Variants in UBE2W observed in about 807,000 individuals in gnomAD.
UBE2W encodes the protein ubiquitin-conjugating enzyme E2 W.
UBE2W carries 18 observed loss-of-function variants against 27.2 expected under a neutral mutation model. That is an observed-to-expected ratio of 0.66 (90% confidence interval 0.46 to 0.98). The LOEUF is 0.98. UBE2W is among the 50% of genes least tolerant of loss of function. The pLI is 0.00. For missense variants in UBE2W, 90 were observed against 180.2 expected, an observed-to-expected ratio of 0.50 and a Z score of 2.87; for synonymous variants, 53 against 57.2, an observed-to-expected ratio of 0.93 and a Z score of 0.33.
At chr8:73,816,474 T>C (rs749044365) in intron 3 of UBE2W, among the ~76,000 whole-genome samples, 2 of 152,122 alleles carry the variant, frequency 1.3e-5, no homozygotes, top group Non-Finnish European at 2.9e-5. Context: ...TCTGGATCTC[T>C]GCAAAGAATG....
In UBE2W at chr8:73,791,331, G is replaced by T; in HGVS notation, c.*2771C>A. ...AGCATGCATAAATAAGGAAGCAAAT[G>T]TATCACTGTCTTAATAGAATTTGGC... On this transcript the variant is annotated 3_prime_UTR_variant, in exon 6 of 6. Transcript: ENST00000602593. The T allele has an allele frequency of 2.0e-6, 2 of 981,672 alleles. No homozygotes were observed. Among genetic ancestry groups the T allele is most frequent in the Non-Finnish European group, 2.4e-6 (2 of 829,246 alleles). The allele number at this position is 981,672 out of a possible 1,614,324, so 60.8% of individuals were successfully genotyped here. A position where few individuals can be genotyped will look rare whatever the true frequency, so the allele number is the denominator to read the frequency against.
chr8:73,842,841 ACT>A (rs1458289537), intron 1 of UBE2W, among the ~76,000 whole-genome samples: 4 of 152,180 alleles, frequency 2.6e-5, no homozygotes, highest in Non-Finnish European at 5.9e-5. Flanking sequence ...TTAAAAAATA[ACT>A]CAATGGATGA....
Position 73,792,888 on chromosome 8 carries a change from G to C in UBE2W, c.*1214C>G, listed in dbSNP as rs1187727638. 2.0e-6 allele frequency: 2 copies of C among 985,466 alleles called. No individual in the cohort carries two copies. The highest frequency in any genetic ancestry group is 2.3e-4 in the East Asian group (2 of 8,826). 61.0% of individuals were successfully genotyped at this position (985,466 alleles called of 1,614,324 possible). ...CAGGAAAAACTATATGGCTGTGTGA[G>C]ACAAATAAGCAACCATTTGATAGTG... is the stretch of plus-strand genomic sequence containing the variant. On this transcript the variant is annotated 3_prime_UTR_variant, in exon 6 of 6. Transcript: ENST00000602593.
intron 1 of UBE2W, among the ~76,000 whole-genome samples, chr8:73,861,971 C>T (rs1000069166): frequency 1.3e-5 from 2 of 152,188 alleles, no homozygotes; most frequent in African/African-American, 4.8e-5. Flanking sequence ...TTTCCAATCT[C>T]GAATTTGATT....
intron 3 of UBE2W, among the ~76,000 whole-genome samples, chr8:73,824,469 T>C (rs1809747653): frequency 6.6e-6 from 1 of 152,238 alleles, no homozygotes; most frequent in African/African-American, 2.4e-5. Context: ...AACTTTTCTC[T>C]TCACCATGTG....
At chr8:73,867,139 G>A (rs1319699360) in intron 1 of UBE2W, among the ~76,000 whole-genome samples, 3 of 152,128 alleles carry the variant, frequency 2.0e-5, no homozygotes, top group Non-Finnish European at 4.4e-5. Flanking sequence ...GGTGGCTCAC[G>A]CCTGTGATCT....
Position 73,805,454 on chromosome 8 carries a change from C to CAAAAAAAAAAAAAAAAAAAAAAAAAA in UBE2W, c.442+196_442+197insTTTTTTTTTTTTTTTTTTTTTTTTTT, listed in dbSNP as rs1162712227. Among the ~76,000 whole-genome samples the CAAAAAAAAAAAAAAAAAAAAAAAAAA allele has an allele frequency of 1.9e-3, 28 of 14,574 alleles. 4 individuals carry two copies. The highest frequency in any genetic ancestry group is 7.0e-3 in the East Asian group (2 of 286). 9.6% of individuals were successfully genotyped at this position (14,574 alleles called of 152,430 possible). ...GGGCAACAAGAGCAAAACTCCATCT[C>CAAAAAAAAAAAAAAAAAAAAAAAAAA]AAAAAAAAAAAAAAAAACAAAAAAA... On this transcript the variant is annotated intron_variant, in intron 5 of 5. Transcript: ENST00000602593.
intron 1 of UBE2W, among the ~76,000 whole-genome samples, chr8:73,878,459 C>T (rs1469959593): frequency 2.0e-5 from 3 of 152,216 alleles, no homozygotes; most frequent in Non-Finnish European, 4.4e-5. Context: ...GGGGTAAAGG[C>T]AACCCTGGGG....
intron 5 of UBE2W, among the ~76,000 whole-genome samples, chr8:73,801,602 T>C (rs574547062): frequency 6.9e-4 from 105 of 152,372 alleles, no homozygotes; most frequent in African/African-American, 2.3e-3. Flanking sequence ...ATATTCCTAA[T>C]TGGCTAATCT....
chr8:73,859,264 G>C (rs1289009476), intron 1 of UBE2W, among the ~76,000 whole-genome samples: 1 of 152,156 alleles, frequency 6.6e-6, no homozygotes, highest in Non-Finnish European at 1.5e-5. Flanking sequence ...CCAGCACTTT[G>C]GGAGGCTGAG....
intron 1 of UBE2W, chr8:73,870,375 G>T: frequency 7.2e-7 from 1 of 1,383,248 alleles, no homozygotes; most frequent in Non-Finnish European, 9.8e-7. Flanking sequence ...GATAGCTAGT[G>T]CAGGGACTAG....
chr8:73,870,309 T>C (rs1326670339), intron 1 of UBE2W: 2 of 1,574,168 alleles, frequency 1.3e-6, no homozygotes, highest in Non-Finnish European at 1.7e-6. Context: ...GGTCTGAAAA[T>C]ACAAAGAAAG....
intron 3 of UBE2W, among the ~76,000 whole-genome samples, chr8:73,816,742 C>G (rs1431887036): frequency 6.6e-6 from 1 of 152,130 alleles, no homozygotes; most frequent in African/African-American, 2.4e-5. Flanking sequence ...CTAAAAGTCT[C>G]TAAAACAAGG....
chr8:73,853,021 T>C lies in UBE2W; in HGVS notation c.16-22549A>G, dbSNP rs541516043. Among the ~76,000 whole-genome samples, 165 of 152,290 alleles carry C rather than the reference T, an allele frequency of 1.1e-3. 2 individuals are homozygous for C. The highest frequency in any genetic ancestry group is 6.8e-3 in the Middle Eastern group (2 of 294). ...AATCTAATTCCCAAAGTATTGGAAT[T>C]AAGAGGTGGAGCCTTTGCGAGGTAA... On this transcript the variant is annotated intron_variant, in intron 1 of 5. Transcript: ENST00000602593.
chr8:73,836,912 G>C lies in UBE2W; in HGVS notation c.16-6440C>G, dbSNP rs899211900. Among the ~76,000 whole-genome samples the C allele has an allele frequency of 3.3e-5, 5 of 152,310 alleles. No homozygotes were observed. In the East Asian group the frequency reaches 9.6e-4, roughly 29 times the overall value. ...AAATAACTGCAGAATGTTAAGTACT[G>C]TAAGTAAAGCAGCAGAAACACCCAG... On this transcript the variant is annotated intron_variant, in intron 1 of 5. Transcript: ENST00000602593.
At position 73,834,873 on chromosome 8, in the gene UBE2W, C is replaced by T. The variant is rs1196000612; in HGVS notation, c.16-4401G>A. Among the ~76,000 whole-genome samples, 10 of 152,248 alleles carry T rather than the reference C, an allele frequency of 6.6e-5. No individual in the cohort carries two copies. The East Asian group carries it at 1.9e-3, about 29-fold the overall frequency. On this transcript the variant is annotated intron_variant, in intron 1 of 5. Transcript: ENST00000602593. The stretch of plus-strand genomic sequence containing the variant: ...GCAGTGAGCCTAGATCACGCGAATG[C>T]ACTGCAGCCTGGGCTATAGAGTGAG...
chr8:73,804,331 T>C (rs1369996047), intron 5 of UBE2W, among the ~76,000 whole-genome samples: 4 of 151,526 alleles, frequency 2.6e-5, no homozygotes, highest in Non-Finnish European at 4.4e-5. Context: ...AATACTCTTA[T>C]GTATACAAAA....
chr8:73,788,979 A>T lies in UBE2W; in HGVS notation c.*5123T>A, dbSNP rs1808078349. On this transcript the variant is annotated 3_prime_UTR_variant, in exon 6 of 6. Coordinates refer to ENST00000602593, the MANE Select transcript of UBE2W (RefSeq NM_018299.6). ...ATTAACAAAAAATTTTTCATAAAAA[A>T]ATAGTCATTTAATCATTCTAGAGAC... 1.0e-6 allele frequency: 1 copy of T among 983,084 alleles called. No individual in the cohort carries two copies. Among genetic ancestry groups the T allele is most frequent in the Admixed American group, 6.2e-5 (1 of 16,256 alleles). 60.9% of individuals were successfully genotyped at this position (983,084 alleles called of 1,614,324 possible). A position where few individuals can be genotyped will look rare whatever the true frequency, so the allele number is the denominator to read the frequency against.
Position 73,790,692 on chromosome 8 carries a change from T to A in UBE2W, c.*3410A>T, listed in dbSNP as rs1808153736. ...TTCTCTTCTATTTTTAGGAAGAAGT[T>A]ATAACAAGTTTTAAATATCTCAATT... On this transcript the variant is annotated 3_prime_UTR_variant, in exon 6 of 6. Coordinates refer to ENST00000602593, the MANE Select transcript of UBE2W (RefSeq NM_018299.6). 2.0e-6 allele frequency: 2 copies of A among 980,446 alleles called. No homozygotes were observed. Among genetic ancestry groups the A allele is most frequent in the South Asian group, 9.4e-5 (2 of 21,196 alleles). The allele number at this position is 980,446 out of a possible 1,614,324, so 60.7% of individuals were successfully genotyped here. A position where few individuals can be genotyped will look rare whatever the true frequency, so the allele number is the denominator to read the frequency against.
Sources: allele counts gnomAD v4.1 joint callset (sites outside exome capture counted in the v4.1 genomes callset), GRCh38; gene constraint gnomAD v4.1.1; transcripts MANE v1.5; gene names NCBI Gene and HGNC (gene_info 2026-07-23, HGNC 2026-07-21).